AKAP13: variants seen among roughly 807,000 people sequenced by gnomAD.
The protein encoded by AKAP13 is A-kinase anchoring protein 13, also known as A-kinase anchor protein 13.
In AKAP13, 80 loss-of-function variants were observed where a neutral mutation model predicts 264.5. The observed-to-expected ratio is 0.30, with a 90% CI of 0.25 to 0.36. The LOEUF (loss-of-function observed/expected upper bound fraction) is 0.36, where lower values mean the gene tolerates loss of function less well. AKAP13 is among the 10% of genes least tolerant of loss of function. The pLI is 1.00. For missense variants in AKAP13, 3,712 were observed against 3,435.2 expected, an observed-to-expected ratio of 1.08 and a Z score of -2.01; for synonymous variants, 1,380 against 1,250.2, an observed-to-expected ratio of 1.10 and a Z score of -2.19.
chr15:85,391,786 C>T (rs2070870634), intron 1 of AKAP13, among the ~76,000 whole-genome samples: 2 of 150,204 alleles, frequency 1.3e-5, no homozygotes, highest in Admixed American at 1.3e-4. Flanking sequence ...CACCTGGCCT[C>T]CTTATTCTTT....
intron 1 of AKAP13, among the ~76,000 whole-genome samples, chr15:85,436,303 C>T (rs1328480439): frequency 2.1e-5 from 2 of 94,354 alleles, no homozygotes; most frequent in South Asian, 4.7e-4. Context: ...ACAGGAGCAC[C>T]CAGATTCATA....
At chr15:85,475,163 C>A (rs967259507) in intron 1 of AKAP13, among the ~76,000 whole-genome samples, 2 of 152,064 alleles carry the variant, frequency 1.3e-5, no homozygotes, top group African/African-American at 4.8e-5. Context: ...GTCTCTTTGC[C>A]GGATATCTAT....
intron 3 of AKAP13, among the ~76,000 whole-genome samples, chr15:85,526,912 T>C (rs1281764145): frequency 6.6e-6 from 1 of 151,958 alleles, no homozygotes; most frequent in Non-Finnish European, 1.5e-5. Context: ...TGAGAACTAG[T>C]TGAAGAGGAA....
chr15:85,479,387 A>T (rs958243450), intron 1 of AKAP13, among the ~76,000 whole-genome samples: 17 of 152,130 alleles, frequency 1.1e-4, no homozygotes, highest in African/African-American at 3.6e-4. Context: ...CTCACTCGAA[A>T]TTTTTGTGGG....
At chr15:85,736,497 C>G (rs1419552287) in intron 33 of AKAP13, among the ~76,000 whole-genome samples, 1 of 152,186 alleles carries the variant, frequency 6.6e-6, no homozygotes, top group South Asian at 2.1e-4. Context: ...CAACCTCTAC[C>G]TCCCAGGCTC....
chr15:85,744,128 G>A, intron 36 of AKAP13: 2 of 386,336 alleles, frequency 5.2e-6, no homozygotes, highest in Admixed American at 4.3e-5. Flanking sequence ...GCCTTTCTGG[G>A]CCTAGAGTAG....
At chr15:85,534,357 C>G (rs1298941936) in intron 4 of AKAP13, 1 of 165,874 alleles carries the variant, frequency 6.0e-6, no homozygotes, top group East Asian at 1.7e-4. Flanking sequence ...CTTCCTTAAC[C>G]AGGTTAGTGT....
chr15:85,637,325 A>C (rs2151466764), intron 8 of AKAP13, among the ~76,000 whole-genome samples: 1 of 152,368 alleles, frequency 6.6e-6, no homozygotes, highest in Middle Eastern at 3.4e-3. Context: ...TTGCTTTAAT[A>C]GAATAAGGCT....
chr15:85,426,300 T>C (rs1037025649), intron 1 of AKAP13, among the ~76,000 whole-genome samples: 1 of 152,254 alleles, frequency 6.6e-6, no homozygotes, highest in Non-Finnish European at 1.5e-5. Context: ...AAAGAAGCAG[T>C]GTTCAGCCAC....
intron 8 of AKAP13, 46 bp downstream of exon 8, chr15:85,585,869 C>T: frequency 6.3e-7 from 1 of 1,597,128 alleles, no homozygotes; most frequent in Non-Finnish European, 8.6e-7. Context: ...TGTGTTTATC[C>T]TGTTCTGCTG....
At chr15:85,586,661 C>T (rs1424253705) in intron 8 of AKAP13, among the ~76,000 whole-genome samples, 1 of 152,088 alleles carries the variant, frequency 6.6e-6, no homozygotes, top group Non-Finnish European at 1.5e-5. Flanking sequence ...CGCGGTGGCT[C>T]ACACATGTAA....
chr15:85,384,799 A>G (rs116094299), intron 1 of AKAP13, among the ~76,000 whole-genome samples: 1 of 151,786 alleles, frequency 6.6e-6, no homozygotes, highest in Non-Finnish European at 1.5e-5. Context: ...GTTTGTCCTC[A>G]TATTTATAGT....
chr15:85,734,180 A>G (rs1443454599), intron 30 of AKAP13, among the ~76,000 whole-genome samples: 1 of 152,056 alleles, frequency 6.6e-6, no homozygotes, highest in East Asian at 1.9e-4. Flanking sequence ...TTTTATGGAC[A>G]TGTCTTTCCG....
At chr15:85,519,018 G>T (rs2151146006) in intron 2 of AKAP13, among the ~76,000 whole-genome samples, 1 of 152,208 alleles carries the variant, frequency 6.6e-6, no homozygotes, top group South Asian at 2.1e-4. Context: ...AAGATGTTGG[G>T]TCTCATATGA....
intron 2 of AKAP13, among the ~76,000 whole-genome samples, chr15:85,504,344 C>T (rs144754969): frequency 3.6e-4 from 55 of 151,224 alleles, no homozygotes; most frequent in South Asian, 2.1e-3. Context: ...TAGCTAATCA[C>T]TTCTAACTCT....
chr15:85,463,023 CAAAAAA>C (rs35565608), intron 1 of AKAP13, among the ~76,000 whole-genome samples: 1 of 65,200 alleles, frequency 1.5e-5, no homozygotes, highest in Non-Finnish European at 2.6e-5. Context: ...GACTCCGTCT[CAAAAAA>C]AAAAAAAAAA....
At position 85,682,081 on chromosome 15, in the gene AKAP13, T is replaced by C. The variant is rs1317596199; in HGVS notation, c.5102-77T>C. On this transcript the variant is annotated intron_variant, in intron 14 of 36. Coordinates refer to ENST00000394518, the MANE Select transcript of AKAP13 (RefSeq NM_007200.5). ...GCTGTTTTTGCTTTAGCTGTGTCAT[T>C]GTGAATTTATAAATATTCTACCCGG... 6 of 1,368,920 alleles carry C rather than the reference T, an allele frequency of 4.4e-6. No individual in the cohort carries two copies. The East Asian group carries it at 1.4e-4, about 31-fold the overall frequency. 84.8% of individuals were successfully genotyped at this position (1,368,920 alleles called of 1,614,324 possible). A position where few individuals can be genotyped will look rare whatever the true frequency, so the allele number is the denominator to read the frequency against.
At chr15:85,541,571 G>A (rs1292309684) in intron 4 of AKAP13, among the ~76,000 whole-genome samples, 2 of 152,188 alleles carry the variant, frequency 1.3e-5, no homozygotes, top group Admixed American at 6.5e-5. Flanking sequence ...AAACAGGGTG[G>A]AGTAATGGAA....
chr15:85,510,615 C>A (rs1314755297), intron 2 of AKAP13, among the ~76,000 whole-genome samples: 1 of 152,118 alleles, frequency 6.6e-6, no homozygotes, highest in African/African-American at 2.4e-5. Context: ...ATTTGAAAAT[C>A]CTTTAATTAA....
Sources: allele counts gnomAD v4.1 joint callset (sites outside exome capture counted in the v4.1 genomes callset), GRCh38; gene constraint gnomAD v4.1.1; transcripts MANE v1.5; gene names NCBI Gene and HGNC (gene_info 2026-07-23, HGNC 2026-07-21).